Variants in SPG21 observed in about 807,000 individuals in gnomAD.
SPG21 encodes SPG21 abhydrolase domain containing, maspardin, also known as maspardin.
A neutral mutation model predicts 38.9 loss-of-function variants in SPG21; 26 were observed. That is an observed-to-expected ratio of 0.67 (90% CI 0.49 to 0.93). SPG21 has a LOEUF of 0.93. Among genes scored for constraint, SPG21 ranks in the 40% least tolerant of loss-of-function variants. The pLI, the probability that SPG21 is intolerant of heterozygous loss-of-function variation, is 0.00. For missense variants in SPG21, 333 were observed against 376.5 expected (o/e 0.88, Z 0.96); for synonymous variants, 136 against 128.9 (o/e 1.05, Z -0.37).
At chr15:64,972,629 G>A (rs2140422936) in intron 5 of SPG21, among the ~76,000 whole-genome samples, 1 of 152,182 alleles carries the variant, frequency 6.6e-6, no homozygotes, top group Non-Finnish European at 1.5e-5. Context: ...TCAGGAGATC[G>A]AGACCATACT....
At position 64,963,676 on chromosome 15, in the gene SPG21, C is replaced by G. The variant is rs1236363525; in HGVS notation, c.871G>C (p.Ala291Pro). 6.2e-7 allele frequency: 1 copy of G among 1,614,166 alleles called. No homozygotes were observed. Among genetic ancestry groups the G allele is most frequent in the Non-Finnish European group, 8.5e-7 (1 of 1,180,032 alleles). The change falls in exon 9 of 9, where the codon GCC becomes CCC. Residue 291 changes from alanine (A) to proline (P), a missense_variant. Transcript: ENST00000204566. Reference protein sequence around the residue: ...YAAIDPSMVSAEELEVQKGSL... With the variant: ...YAAIDPSMVSPEELEVQKGSL... Reference sequence around the variant, plus strand: ...CCTTTCTGCACCTCAAGCTCCTCGGCACTGACCATTGATGGGTCAATGGCC... The same window carrying G: ...CCTTTCTGCACCTCAAGCTCCTCGGGACTGACCATTGATGGGTCAATGGCC...
chr15:64,984,814 A>G (rs2085957398), intron 1 of SPG21, among the ~76,000 whole-genome samples: 1 of 146,882 alleles, frequency 6.8e-6, no homozygotes, highest in Admixed American at 6.9e-5. Context: ...CAGTGGCGTG[A>G]TCTCAGCTCA....
Position 64,966,007 on chromosome 15 carries a change from C to T in SPG21, c.670-547G>A, listed in dbSNP as rs188657000. 2.8e-3 allele frequency among the ~76,000 whole-genome samples: 427 copies of T among 151,864 alleles called. 1 individual carries two copies. The highest frequency in any genetic ancestry group is 9.3e-3 in the African/African-American group (386 of 41,438). ...GTGAGCCACCAAGCCCGGCTGGGGT[C>T]GGGGGAAATTCTACCATGAATTTCC... On this transcript the variant is annotated intron_variant, in intron 7 of 8. Coordinates refer to ENST00000204566, the MANE Select transcript of SPG21 (RefSeq NM_016630.7).
At chr15:64,969,435 C>G in intron 6 of SPG21, 73 bp from the exon 7 acceptor site, 1 of 1,094,072 alleles carries the variant, frequency 9.1e-7, no homozygotes, top group Non-Finnish European at 1.4e-6. Flanking sequence ...CCACAGACAA[C>G]ATTTGTGCTT....
chr15:64,971,171 C>T (rs903388772), intron 5 of SPG21, among the ~76,000 whole-genome samples: 24 of 152,186 alleles, frequency 1.6e-4, no homozygotes, highest in African/African-American at 5.8e-4. Context: ...GATCCTTCTA[C>T]CTTGGCCTCC....
At chr15:64,975,011 C>G (rs951666062) in intron 4 of SPG21, among the ~76,000 whole-genome samples, 1 of 151,908 alleles carries the variant, frequency 6.6e-6, no homozygotes, top group Non-Finnish European at 1.5e-5. Flanking sequence ...AAAACCAGTC[C>G]AGGCACGGTG....
chr15:64,977,176 T>C (rs953410014), intron 3 of SPG21, among the ~76,000 whole-genome samples: 4 of 151,760 alleles, frequency 2.6e-5, no homozygotes, highest in African/African-American at 9.7e-5. Flanking sequence ...ACGATTCTCC[T>C]ACCTCAGCCT....
In SPG21 at chr15:64,974,683, T is replaced by C. The variant is rs765005335; in HGVS notation, c.371A>G (p.Lys124Arg). ...LAQKFAEYTHKSPRVHSLILC... is the reference protein window; with the variant it reads ...LAQKFAEYTHRSPRVHSLILC... Reference sequence around the variant, plus strand: ...GATTAGGGAATGGACTCTAGGAGATTTGTGAGTGTATTCAGCAAATTTCTG... The same window carrying C: ...GATTAGGGAATGGACTCTAGGAGATCTGTGAGTGTATTCAGCAAATTTCTG... Residue 124 changes from lysine to arginine, a missense_variant, in exon 5 of 9, where the codon AAA becomes AGA. Transcript: ENST00000204566. 6 of 1,614,142 alleles carry C rather than the reference T, an allele frequency of 3.7e-6. No individual in the cohort carries two copies. In the Admixed American group the frequency reaches 6.7e-5, roughly 18 times the overall value.
At chr15:64,988,485 C>T (rs1463898353) in intron 1 of SPG21, 2 of 152,186 alleles carry the variant, frequency 1.3e-5, no homozygotes, top group Admixed American at 1.3e-4. Context: ...ATGCAACTGG[C>T]TTTTTAATGC....
chr15:64,989,029 G>A (rs2086060761), intron 1 of SPG21: 1 of 150,350 alleles, frequency 6.7e-6, no homozygotes, highest in Non-Finnish European at 1.5e-5. Flanking sequence ...TTGAATCTTT[G>A]TGCCAAAAGG....
chr15:64,988,619 C>T (rs1368024496), intron 1 of SPG21: 1 of 152,248 alleles, frequency 6.6e-6, no homozygotes, highest in Non-Finnish European at 1.5e-5. Context: ...AGGTGCCTAC[C>T]TGACATCTGT....
chr15:64,972,111 T>A (rs1375219129), intron 5 of SPG21, among the ~76,000 whole-genome samples: 1 of 152,228 alleles, frequency 6.6e-6, no homozygotes, highest in Non-Finnish European at 1.5e-5. Flanking sequence ...GCAAACTACC[T>A]TCTGATGCTT....
chr15:64,981,278 T>G, intron 2 of SPG21: 1 of 399,266 alleles, frequency 2.5e-6, no homozygotes, highest in Non-Finnish European at 4.5e-6. Context: ...CTCTGTTTCT[T>G]CCCCCTCCTC....
chr15:64,978,462 A>T (rs12441741), intron 3 of SPG21, among the ~76,000 whole-genome samples: 7 of 151,792 alleles, frequency 4.6e-5, no homozygotes, highest in African/African-American at 1.7e-4. Context: ...AAACAAAAAC[A>T]AAAACAAAAA....
chr15:64,963,609 C>T lies in SPG21; in HGVS notation c.*11G>A, dbSNP rs201889757. 66 of 1,607,532 alleles carry T rather than the reference C, an allele frequency of 4.1e-5. No individual in the cohort carries two copies. The highest frequency in any genetic ancestry group is 1.8e-4 in the Admixed American group (11 of 59,998). On this transcript the variant is annotated 3_prime_UTR_variant, in exon 9 of 9. Transcript: ENST00000204566. ...CACCGGGTCAACTCATCATTGACAGCGAGAGACACACTACTGCTCCTCCTG... is the reference window on the plus strand; with the variant it reads ...CACCGGGTCAACTCATCATTGACAGTGAGAGACACACTACTGCTCCTCCTG...
intron 5 of SPG21, 147 bp downstream of exon 5, chr15:64,974,455 A>G: frequency 1.1e-6 from 1 of 912,080 alleles, no homozygotes; most frequent in South Asian, 1.6e-5. Context: ...AGCCTGGGTG[A>G]CAGAGCAAGA....
In SPG21 at chr15:64,981,010, C is replaced by T; in HGVS notation, c.79G>A (p.Asp27Asn). Residue 27 changes from aspartate to asparagine, a missense_variant, in exon 3 of 9, where the codon GAT becomes AAT. Asp to Asn is a conservative substitution (Grantham distance 23). Transcript: ENST00000204566. ...VPLKKIIVDDDDSKIWSLYDA... is the reference protein window; with the variant it reads ...VPLKKIIVDDNDSKIWSLYDA... ...TAGAGCGACCATATCTTACTGTCAT[C>T]ATCATCCACAATAATCTGGAGGGAA... 1 of 1,614,142 alleles carries T rather than the reference C, an allele frequency of 6.2e-7. No homozygotes were observed. Among genetic ancestry groups the T allele is most frequent in the East Asian group, 2.2e-5 (1 of 44,888 alleles).
At chr15:64,974,962 A>T (rs2085746676) in intron 4 of SPG21, among the ~76,000 whole-genome samples, 1 of 152,176 alleles carries the variant, frequency 6.6e-6, no homozygotes, top group African/African-American at 2.4e-5. Flanking sequence ...CAAGTTATAT[A>T]ATTAAAAAAA....
chr15:64,968,772 A>T (rs989390315), intron 7 of SPG21, among the ~76,000 whole-genome samples: 2 of 152,148 alleles, frequency 1.3e-5, no homozygotes, highest in African/African-American at 4.8e-5. Flanking sequence ...TACCCTTGTT[A>T]CCCTTGTGAA....
Sources: gnomAD v4.1 joint callset for allele counts (sites outside exome capture counted in the v4.1 genomes callset) on GRCh38, gnomAD v4.1.1 for gene constraint, MANE v1.5 for transcripts, NCBI Gene and HGNC (gene_info 2026-07-23, HGNC 2026-07-21) for gene names.